Variants in CELF4 observed in about 807,000 individuals in gnomAD.
CELF4 encodes CUGBP Elav-like family member 4, also known as CUG-BP- and ETR-3-like factor 4.
CELF4 carries 18 observed loss-of-function variants against 59.9 expected under a neutral mutation model. The ratio of observed to expected loss-of-function variants is 0.30; its 90% CI spans 0.21 to 0.45. The LOEUF (loss-of-function observed/expected upper bound fraction) is 0.45. Ranked by LOEUF, CELF4 falls within the 20% of genes least tolerant of loss-of-function variation. The pLI is 1.00. For missense variants in CELF4, 456 were observed against 689.0 expected, an observed-to-expected ratio of 0.66 and a Z score of 3.79; for synonymous variants, 261 against 267.1, an observed-to-expected ratio of 0.98 and a Z score of 0.22.
chr18:37,470,887 T>TGTGTGTGTGAGAGAGA (rs1325788685), intron 2 of CELF4, among the ~76,000 whole-genome samples: 1 of 71,926 alleles, frequency 1.4e-5, no homozygotes, highest in Non-Finnish European at 2.7e-5. Flanking sequence ...TGTGTGTGTG[T>TGTGTGTGTGAGAGAGA]GACAGAGAGA....
At chr18:37,461,021 G>C (rs2099791960) in intron 2 of CELF4, among the ~76,000 whole-genome samples, 2 of 152,236 alleles carry the variant, frequency 1.3e-5, no homozygotes, top group Non-Finnish European at 2.9e-5. Context: ...GTGGCCAAGA[G>C]TGTTATTCAC....
chr18:37,391,898 G>A (rs866048893), intron 2 of CELF4, among the ~76,000 whole-genome samples: 8 of 152,316 alleles, frequency 5.3e-5, no homozygotes, highest in South Asian at 2.1e-4. Context: ...GGCACCAGGC[G>A]TTTTCAGCTG....
intron 2 of CELF4, among the ~76,000 whole-genome samples, chr18:37,392,543 C>T (rs2099174125): frequency 6.6e-6 from 1 of 152,186 alleles, no homozygotes; most frequent in South Asian, 2.1e-4. Context: ...CTCTGCCTTC[C>T]CTCCAACAAC....
chr18:37,298,098 G>C (rs1039197502), intron 3 of CELF4, among the ~76,000 whole-genome samples: 1 of 152,238 alleles, frequency 6.6e-6, no homozygotes, highest in South Asian at 2.1e-4. Context: ...AAAGGTGTCT[G>C]CTAGAGTTAG....
chr18:37,407,610 C>T (rs987727111), intron 2 of CELF4, among the ~76,000 whole-genome samples: 1 of 150,472 alleles, frequency 6.6e-6, no homozygotes, highest in Non-Finnish European at 1.5e-5. Context: ...TATATACACA[C>T]ATATACCCAC....
chr18:37,419,404 G>A (rs1042571447), intron 2 of CELF4, among the ~76,000 whole-genome samples: 1 of 152,196 alleles, frequency 6.6e-6, no homozygotes, highest in African/African-American at 2.4e-5. Flanking sequence ...AGACGCAGGA[G>A]AGATGGGGCC....
intron 1 of CELF4, among the ~76,000 whole-genome samples, chr18:37,510,426 C>T (rs2099942897): frequency 6.6e-6 from 1 of 152,210 alleles, no homozygotes; most frequent in Admixed American, 6.5e-5. Context: ...ACTTGGGTGC[C>T]TCAGCTCTCC....
chr18:37,542,785 A>G (rs1026326203), intron 1 of CELF4, among the ~76,000 whole-genome samples: 6 of 152,202 alleles, frequency 3.9e-5, no homozygotes, highest in African/African-American at 1.4e-4. Flanking sequence ...CTTAATTGCC[A>G]TAATAACTCA....
At chr18:37,360,402 G>A (rs2098684054) in intron 2 of CELF4, among the ~76,000 whole-genome samples, 1 of 152,240 alleles carries the variant, frequency 6.6e-6, no homozygotes, top group South Asian at 2.1e-4. Flanking sequence ...CAACCTGTGA[G>A]CAAGGCCTTC....
intron 1 of CELF4, among the ~76,000 whole-genome samples, chr18:37,505,978 C>A (rs569272848): frequency 3.1e-5 from 1 of 32,238 alleles, no homozygotes; most frequent in Non-Finnish European, 1.3e-4. Flanking sequence ...CCTTGATCTG[C>A]GGGCAAGTTG....
intron 3 of CELF4, among the ~76,000 whole-genome samples, chr18:37,285,946 T>A (rs2094708392): frequency 6.6e-6 from 1 of 152,224 alleles, no homozygotes; most frequent in Non-Finnish European, 1.5e-5. Context: ...CGCTGGCGTC[T>A]GGCACACTCT....
At chr18:37,356,637 T>A (rs554691277) in intron 2 of CELF4, among the ~76,000 whole-genome samples, 11 of 152,304 alleles carry the variant, frequency 7.2e-5, no homozygotes, top group Admixed American at 7.2e-4. Flanking sequence ...GGGACCAACA[T>A]CAACGAAGGG....
At chr18:37,388,993 A>G (rs1368649118) in intron 2 of CELF4, among the ~76,000 whole-genome samples, 1 of 152,066 alleles carries the variant, frequency 6.6e-6, no homozygotes, top group Non-Finnish European at 1.5e-5. Flanking sequence ...CGGAGGCACC[A>G]CCCAGCACCT....
At chr18:37,472,499 C>T (rs1211371795) in intron 2 of CELF4, among the ~76,000 whole-genome samples, 1 of 152,244 alleles carries the variant, frequency 6.6e-6, no homozygotes, top group Non-Finnish European at 1.5e-5. Flanking sequence ...GAGAAACTGT[C>T]ATTGTGCACA....
In CELF4 at chr18:37,445,365, C is replaced by T. The variant is rs140655593; in HGVS notation, c.369+40160G>A. On this transcript the variant is annotated intron_variant, in intron 2 of 12. Coordinates refer to ENST00000420428, the MANE Select transcript of CELF4 (RefSeq NM_020180.4). ...AGCCTGGAAGGGTTTCTCGGTGTTT[C>T]GGTAGGCTGAGTCCCTGAGTTGGGT... Among the ~76,000 whole-genome samples, 278 of 151,848 alleles carry T rather than the reference C, an allele frequency of 1.8e-3. 1 individual carries two copies. The highest frequency in any genetic ancestry group is 6.3e-3 in the African/African-American group (262 of 41,424).
intron 2 of CELF4, among the ~76,000 whole-genome samples, chr18:37,352,823 A>C (rs1295090196): frequency 1.3e-5 from 2 of 152,060 alleles, no homozygotes; most frequent in Non-Finnish European, 2.9e-5. Flanking sequence ...AGCTGAGAGG[A>C]GGCAGCTGTG....
intron 2 of CELF4, among the ~76,000 whole-genome samples, chr18:37,328,403 T>A (rs2097405890): frequency 1.3e-5 from 2 of 152,172 alleles, no homozygotes; most frequent in Admixed American, 6.5e-5. Context: ...CAGAATGCTC[T>A]CCAGAGTGAC....
At chr18:37,347,826 G>A (rs1197457082) in intron 2 of CELF4, among the ~76,000 whole-genome samples, 1 of 152,166 alleles carries the variant, frequency 6.6e-6, no homozygotes. Context: ...GACGGGCTTG[G>A]TTTGGCCCTG....
chr18:37,258,921 C>A, intron 11 of CELF4: 1 of 539,726 alleles, frequency 1.9e-6, no homozygotes, highest in South Asian at 2.8e-5. Flanking sequence ...GATGGGGAGC[C>A]AGGTTGTGTG....
Sources: allele counts gnomAD v4.1 joint callset (sites outside exome capture counted in the v4.1 genomes callset), GRCh38; gene constraint gnomAD v4.1.1; transcripts MANE v1.5; gene names NCBI Gene and HGNC (gene_info 2026-07-23, HGNC 2026-07-21).